Variants in CORO6 observed in about 807,000 individuals in gnomAD.
CORO6 encodes the protein coronin-6.
CORO6 carries 43 observed loss-of-function variants against 49.0 expected under a neutral mutation model. The ratio of observed to expected loss-of-function variants is 0.88; its 90% CI spans 0.69 to 1.13. CORO6 has a LOEUF of 1.13. CORO6 is among the 50% of genes most tolerant of loss of function. CORO6 has a pLI of 0.00. For synonymous variants in CORO6, 233 were observed against 256.5 expected, an observed-to-expected ratio of 0.91 and a Z score of 0.88; for missense variants, 650 against 647.0, an observed-to-expected ratio of 1.00 and a Z score of -0.05.
chr17:29,621,316 C>T lies in CORO6; in HGVS notation c.106G>A (p.Asp36Asn), dbSNP rs750836319. 27 of 1,614,178 alleles carry T rather than the reference C, an allele frequency of 1.7e-5. No homozygotes were observed. Among genetic ancestry groups the T allele is most frequent in the Non-Finnish European group, 2.3e-5 (27 of 1,180,028 alleles). ...EDIRVSKVTWDSSFCAVNPKF... is the reference protein window; with the variant it reads ...EDIRVSKVTWNSSFCAVNPKF... Reference sequence around the variant, plus strand: ...GGGTTGACGGCACAGAAGGAGCTGTCCCATGTGACCTTGGACACACGGATG... The same window carrying T: ...GGGTTGACGGCACAGAAGGAGCTGTTCCATGTGACCTTGGACACACGGATG... Residue 36 changes from aspartate to asparagine, a missense_variant, in exon 2 of 11, where the codon GAC (aspartate) becomes AAC (asparagine). Coordinates refer to ENST00000388767, the MANE Select transcript of CORO6 (RefSeq NM_032854.4). The surrounding 1 kb of genome is among the most constrained non-coding windows in gnomAD (Gnocchi z 4.2).
In CORO6 at chr17:29,615,742, C is replaced by A; in HGVS notation, c.1409G>T (p.Gly470Val). 1 of 1,545,042 alleles carries A rather than the reference C, an allele frequency of 6.5e-7. No homozygotes were observed. The highest frequency in any genetic ancestry group is 8.7e-7 in the Non-Finnish European group (1 of 1,145,724). Residue 470 changes from glycine to valine, a missense_variant, in exon 11 of 11, where the codon GGC becomes GTC. Transcript: ENST00000388767. ...GCCTGGCGCGCGGGGCTAGTCCGTG[C>A]CGTCCACCAGCTCGCACAGCATGTT... ...LENMLCELVDGTD is the reference protein window; with the variant it reads ...LENMLCELVDVTD
Position 29,622,701 on chromosome 17 carries a change from GGCTGCGGGGCGCTCAC to G in CORO6, c.-93_-78del, listed in dbSNP as rs760494066. On this transcript the variant is annotated 5_prime_UTR_variant, in exon 1 of 11. The change creates a premature stop within an existing upstream ORF in the 5' untranslated region. Coordinates refer to ENST00000388767, the MANE Select transcript of CORO6 (RefSeq NM_032854.4). ...GGGGCTGGGTACCTGGTCCTGAGCGGGCTGCGGGGCGCTCACGCTGCGAATCCTCTGCGGAAGGGGC... is the reference window on the plus strand; with the variant it reads ...GGGGCTGGGTACCTGGTCCTGAGCGGGCTGCGAATCCTCTGCGGAAGGGGC... 3.5e-5 allele frequency: 45 copies of G among 1,275,488 alleles called. No individual in the cohort carries two copies. The highest frequency in any genetic ancestry group is 4.6e-5 in the Non-Finnish European group (45 of 976,898). 79.0% of individuals were successfully genotyped at this position (1,275,488 alleles called of 1,614,324 possible).
chr17:29,618,268 C>T (rs2035108752), intron 5 of CORO6: 17 of 1,306,656 alleles, frequency 1.3e-5, no homozygotes, highest in Non-Finnish European at 1.7e-5. Flanking sequence ...CGCACCCGCA[C>T]CCCAGGTTAG....
Position 29,615,304 on chromosome 17 carries a change from G to A in CORO6, c.*428C>T, listed in dbSNP as rs902494316. The stretch of plus-strand genomic sequence containing the variant: ...TGATGGAATCCAGTGAGCTGATTAG[G>A]AGAAGCGCTGTCATTTTCCCCAGCC... On this transcript the variant is annotated 3_prime_UTR_variant, in exon 11 of 11. Transcript: ENST00000388767. The A allele has an allele frequency of 3.1e-5, 5 of 162,824 alleles. No homozygotes were observed. Among genetic ancestry groups the A allele is most frequent in the African/African-American group, 1.2e-4 (5 of 41,720 alleles). The allele number at this position is 162,824 out of a possible 1,614,324, so 10.1% of individuals were successfully genotyped here.
chr17:29,618,046 A>G, intron 5 of CORO6: 2 of 1,496,790 alleles, frequency 1.3e-6, no homozygotes, highest in Non-Finnish European at 1.8e-6. Flanking sequence ...GGCCTGGCCT[A>G]CCGGGTCCCA....
rs1174180066 is a variant in CORO6 at position 29,621,960 on chromosome 17, G to A, written c.-63-476C>T. 1.3e-5 allele frequency: 2 copies of A among 159,534 alleles called. No individual in the cohort carries two copies. The highest frequency in any genetic ancestry group is 5.9e-5 in the Admixed American group (1 of 16,872). The allele number at this position is 159,534 out of a possible 1,614,324, so 9.9% of individuals were successfully genotyped here. On this transcript the variant is annotated intron_variant, in intron 1 of 10. Transcript: ENST00000388767. The surrounding 1 kb of genome is among the most constrained non-coding windows in gnomAD (Gnocchi z 4.2). ...AACTCGCATCTCTGGAATAGTTCAG[G>A]CAGATGGGGTTTTGCCTTTTCCTAA...
Position 29,616,272 on chromosome 17 carries a change from C to T in CORO6, c.1062+7G>A. The stretch of plus-strand genomic sequence containing the variant: ...AGCCCTGCCCAACCCTTCTCCCGGC[C>T]CCTCACCTTGCGGGGCACAGTCATG... On this transcript the variant is annotated splice_region_variant and intron_variant, in intron 9 of 10. Transcript: ENST00000388767. This position sits in a 1 kb window ranked among gnomAD's most constrained non-coding sequence, Gnocchi z 5.6. 5.0e-6 allele frequency: 8 copies of T among 1,611,522 alleles called. No individual in the cohort carries two copies. Among genetic ancestry groups the T allele is most frequent in the Non-Finnish European group, 6.8e-6 (8 of 1,178,876 alleles).
In CORO6 at chr17:29,616,827, G is replaced by A. The variant is rs1429057690; in HGVS notation, c.879C>T (p.Tyr293=). 2 of 1,613,576 alleles carry A rather than the reference G, an allele frequency of 1.2e-6. No homozygotes were observed. The highest frequency in any genetic ancestry group is 2.2e-5 in the South Asian group (2 of 91,086). The change falls in exon 8 of 11, where the codon TAC becomes TAT. Residue 293 remains tyrosine, a synonymous_variant. Transcript: ENST00000388767. The surrounding 1 kb of genome is among the most constrained non-coding windows in gnomAD (Gnocchi z 5.6). The stretch of plus-strand genomic sequence containing the variant: ...AAGGCGGCTCGTCGGTAATCTCAAA[G>A]TACCGAATGCTGCTGTCGCCCTGCA... The part of the protein sequence containing the change: ...LCGKGDSSIR[Y]FEITDEPPFV...
Position 29,621,139 on chromosome 17 carries a change from G to C in CORO6, c.198+85C>G. ...CAGATGCTTCTCCTGACTATGGAATGGAACTAGGTGAGAACAAAGGCTCAG... is the reference window on the plus strand; with the variant it reads ...CAGATGCTTCTCCTGACTATGGAATCGAACTAGGTGAGAACAAAGGCTCAG... On this transcript the variant is annotated intron_variant, in intron 2 of 10. Coordinates refer to ENST00000388767, the MANE Select transcript of CORO6 (RefSeq NM_032854.4). This position sits in a 1 kb window ranked among gnomAD's most constrained non-coding sequence, Gnocchi z 4.2. 6.6e-7 allele frequency: 1 copy of C among 1,514,708 alleles called. No homozygotes were observed. The highest frequency in any genetic ancestry group is 9.0e-7 in the Non-Finnish European group (1 of 1,107,622). 93.8% of individuals were successfully genotyped at this position (1,514,708 alleles called of 1,614,324 possible). A position where few individuals can be genotyped will look rare whatever the true frequency, so the allele number is the denominator to read the frequency against.
rs371963989 is a variant in CORO6, at chr17:29,617,060, G to C, written c.754-18C>G. The C allele has an allele frequency of 1.9e-6, 3 of 1,611,200 alleles. No homozygotes were observed. In the African/African-American group the frequency reaches 4.0e-5, roughly 22 times the overall value. ...AAGTTGTTCTGCCCGAGCACAGGAG[G>C]CGTGACCAGCCCTGCCCCACCCTCC... On this transcript the variant is annotated intron_variant, in intron 6 of 10. Coordinates refer to ENST00000388767, the MANE Select transcript of CORO6 (RefSeq NM_032854.4).
chr17:29,618,580 G>C, intron 5 of CORO6: 28 of 1,403,448 alleles, frequency 2.0e-5, no homozygotes, highest in Non-Finnish European at 2.6e-5. Context: ...GGAGGGGAGG[G>C]AACAGGAGCC....
Position 29,622,886 on chromosome 17 carries a change from C to T in CORO6, c.-262G>A. On this transcript the variant is annotated 5_prime_UTR_variant, in exon 1 of 11. Coordinates refer to ENST00000388767, the MANE Select transcript of CORO6 (RefSeq NM_032854.4). ...GAGCCCGGCGCCGCTGCAGCCCCAGCTGCCGCTGCCATCAACCTAAGAGGG... is the reference window on the plus strand; with the variant it reads ...GAGCCCGGCGCCGCTGCAGCCCCAGTTGCCGCTGCCATCAACCTAAGAGGG... 7.8e-7 allele frequency: 1 copy of T among 1,282,204 alleles called. No individual in the cohort carries two copies. The highest frequency in any genetic ancestry group is 1.6e-5 in the African/African-American group (1 of 62,546). The allele number at this position is 1,282,204 out of a possible 1,614,324, so 79.4% of individuals were successfully genotyped here.
Position 29,622,867 on chromosome 17 carries a change from G to C in CORO6, c.-243C>G, listed in dbSNP as rs542804592. On this transcript the variant is annotated 5_prime_UTR_variant, in exon 1 of 11. Coordinates refer to ENST00000388767, the MANE Select transcript of CORO6 (RefSeq NM_032854.4). ...CCGATCCTGCGGCTCTCTAGAGCCC[G>C]GCGCCGCTGCAGCCCCAGCTGCCGC... 3 of 1,296,090 alleles carry C rather than the reference G, an allele frequency of 2.3e-6. No homozygotes were observed. Among genetic ancestry groups the C allele is most frequent in the Non-Finnish European group, 1.0e-6 (1 of 986,954 alleles). The allele number at this position is 1,296,090 out of a possible 1,614,324, so 80.3% of individuals were successfully genotyped here.
intron 5 of CORO6, chr17:29,618,159 G>A (rs1297859730): frequency 2.2e-6 from 3 of 1,378,854 alleles, no homozygotes; most frequent in Non-Finnish European, 2.8e-6. Flanking sequence ...CGTGAGGCCG[G>A]GCTTGCTCCT....
intron 1 of CORO6, among the ~76,000 whole-genome samples, chr17:29,622,462 C>G (rs1243734012): frequency 6.6e-6 from 1 of 152,262 alleles, no homozygotes; most frequent in East Asian, 1.9e-4. Flanking sequence ...GCCCGGCCTC[C>G]CTGCACCCTT....
At position 29,621,003 on chromosome 17, in the gene CORO6, G is replaced by C. The variant is rs375336485; in HGVS notation, c.198+221C>G. On this transcript the variant is annotated intron_variant, in intron 2 of 10. Coordinates refer to ENST00000388767, the MANE Select transcript of CORO6 (RefSeq NM_032854.4). This position sits in a 1 kb window ranked among gnomAD's most constrained non-coding sequence, Gnocchi z 4.2. ...TGCTGGGAATGGGGTGGTGCATGGA[G>C]AGGTGGGAGGGCTAGGGAGTGGGAG... Among the ~76,000 whole-genome samples the C allele has an allele frequency of 3.5e-4, 53 of 152,276 alleles. No individual in the cohort carries two copies. Among genetic ancestry groups the C allele is most frequent in the African/African-American group, 1.2e-3 (51 of 41,562 alleles).
chr17:29,620,038 C>T (rs2035230121), intron 2 of CORO6, among the ~76,000 whole-genome samples: 1 of 152,218 alleles, frequency 6.6e-6, no homozygotes, highest in Non-Finnish European at 1.5e-5. Context: ...GAGATTTGAA[C>T]TTTCCAGCCC....
At position 29,616,153 on chromosome 17, in the gene CORO6, A is replaced by G. The variant is rs2034885953; in HGVS notation, c.1085T>C (p.Leu362Pro). ...CTCCGGGCCTGGCGTATCCGGGTAC[A>G]GATCGTCCTGGAAGAGGTCTGACTG... Reference protein sequence around the residue: ...PRKSDLFQDDLYPDTPGPEPA... With the variant: ...PRKSDLFQDDPYPDTPGPEPA... The change falls in exon 10 of 11, where the codon CTG (leucine) becomes CCG (proline). Residue 362 changes from leucine to proline, a missense_variant. Leu to Pro is a moderately conservative substitution (Grantham distance 98). Coordinates refer to ENST00000388767, the MANE Select transcript of CORO6 (RefSeq NM_032854.4). The surrounding 1 kb of genome is among the most constrained non-coding windows in gnomAD (Gnocchi z 5.6). 1.2e-6 allele frequency: 2 copies of G among 1,613,298 alleles called. No homozygotes were observed. The highest frequency in any genetic ancestry group is 2.2e-5 in the East Asian group (1 of 44,880).
chr17:29,617,536 G>A lies in CORO6; in HGVS notation c.717C>T (p.Thr239=). Residue 239 remains threonine (T), a synonymous_variant, in exon 6 of 11, where the codon ACC becomes ACT. Coordinates refer to ENST00000388767, the MANE Select transcript of CORO6 (RefSeq NM_032854.4). ...RQGHIFTTGF[T]RMSQRELGLW... ...GGCCCAGCTCTCGCTGGCTCATGCG[G>A]GTGAAGCCCGTGGTGAAGATATGGC... The A allele has an allele frequency of 6.2e-7, 1 of 1,611,320 alleles. No individual in the cohort carries two copies. The highest frequency in any genetic ancestry group is 8.5e-7 in the Non-Finnish European group (1 of 1,179,758).
Sources: gnomAD v4.1 joint callset for allele counts (sites outside exome capture counted in the v4.1 genomes callset) on GRCh38, gnomAD v4.1.1 for gene constraint, Gnocchi (gnomAD v3.1) non-coding constraint, MANE v1.5 for transcripts, NCBI Gene and HGNC (gene_info 2026-07-23, HGNC 2026-07-21) for gene names.